The following MORC3 variants were observed in gnomAD, a reference collection of about 807,000 sequenced individuals.
The protein encoded by MORC3 is MORC family CW-type zinc finger protein 3.
A neutral mutation model predicts 109.1 loss-of-function variants in MORC3; 31 were observed. That is an observed-to-expected ratio of 0.28 (90% CI 0.21 to 0.38). MORC3 has a LOEUF of 0.38. MORC3 is among the 10% of genes least tolerant of loss of function. MORC3 has a pLI of 1.00. For missense variants in MORC3, 867 were observed against 1,135.8 expected (o/e 0.76, Z 3.40); for synonymous variants, 395 against 380.7 (o/e 1.04, Z -0.44).
chr21:36,327,986 C>T (rs1360567854), intron 1 of MORC3, among the ~76,000 whole-genome samples: 1 of 151,942 alleles, frequency 6.6e-6, no homozygotes, highest in Admixed American at 6.6e-5. Flanking sequence ...AAGTGATTGC[C>T]ATGCCTCAGC....
At chr21:36,371,367 A>G (rs546754745) in intron 15 of MORC3, among the ~76,000 whole-genome samples, 32 of 152,318 alleles carry the variant, frequency 2.1e-4, no homozygotes, top group Middle Eastern at 3.4e-3. Context: ...AAAACCCATC[A>G]TAGGTTGGAA....
intron 2 of MORC3, 60 bp downstream of exon 2, chr21:36,333,778 TGTTTTGTTTTG>T (rs2085341826): frequency 1.7e-5 from 22 of 1,300,820 alleles, no homozygotes; most frequent in Admixed American, 2.2e-5. Flanking sequence ...TTTTTTTTTT[TGTTTTGTTTTG>T]TTTTTTTTTT....
chr21:36,329,478 T>C (rs1467649639), intron 1 of MORC3, among the ~76,000 whole-genome samples: 1 of 152,154 alleles, frequency 6.6e-6, no homozygotes, highest in Non-Finnish European at 1.5e-5. Context: ...ATCATGTGAA[T>C]GCCCAATTTA....
chr21:36,337,693 A>G, intron 3 of MORC3, 39 bp from the exon 4 acceptor site: 1 of 1,238,300 alleles, frequency 8.1e-7, no homozygotes, highest in African/African-American at 1.5e-5. Flanking sequence ...ATTTTTGATT[A>G]TAGGTATTTA....
intron 5 of MORC3, 200 bp downstream of exon 5, chr21:36,339,121 A>G: frequency 1.8e-6 from 1 of 568,504 alleles, no homozygotes. Context: ...CATCTTGTTA[A>G]AAAAAATTTT....
intron 4 of MORC3, 138 bp from the exon 5 acceptor site, chr21:36,338,636 G>A (rs1286096936): frequency 2.4e-6 from 2 of 819,302 alleles, no homozygotes; most frequent in African/African-American, 3.5e-5. Flanking sequence ...GCAATAGTGA[G>A]ACCCTATCTC....
chr21:36,370,493 T>C (rs1292784798), intron 15 of MORC3, among the ~76,000 whole-genome samples: 1 of 151,558 alleles, frequency 6.6e-6, no homozygotes, highest in Non-Finnish European at 1.5e-5. Context: ...CAATTCTGCT[T>C]TTAAGTATAG....
At chr21:36,325,402 G>T (rs984276893) in intron 1 of MORC3, among the ~76,000 whole-genome samples, 2 of 152,044 alleles carry the variant, frequency 1.3e-5, no homozygotes, top group African/African-American at 4.8e-5. Flanking sequence ...GAAGAAAGGC[G>T]TATCACATTG....
intron 9 of MORC3, among the ~76,000 whole-genome samples, chr21:36,352,115 A>T (rs2085579490): frequency 6.6e-6 from 1 of 152,256 alleles, no homozygotes; most frequent in Non-Finnish European, 1.5e-5. Context: ...TTAATGTAAG[A>T]AATGAGTATA....
intron 1 of MORC3, among the ~76,000 whole-genome samples, chr21:36,329,467 A>G (rs917194997): frequency 1.3e-5 from 2 of 152,038 alleles, no homozygotes; most frequent in African/African-American, 4.8e-5. Context: ...ACATGAGGGG[A>G]ATCATGTGAA....
intron 10 of MORC3, among the ~76,000 whole-genome samples, chr21:36,357,553 A>AT (rs547386131): frequency 2.0e-3 from 296 of 150,814 alleles, no homozygotes; most frequent in African/African-American, 6.9e-3. Flanking sequence ...CCCAGCTTGT[A>AT]TTTTTTTAAT....
At chr21:36,345,115 A>C (rs1328547488) in intron 8 of MORC3, 84 bp downstream of exon 8, 1 of 1,335,612 alleles carries the variant, frequency 7.5e-7, no homozygotes. Context: ...CAAATGTTAA[A>C]TAATTTTATT....
intron 16 of MORC3, 70 bp downstream of exon 16, chr21:36,372,601 G>T: frequency 7.0e-7 from 1 of 1,419,828 alleles, no homozygotes. Flanking sequence ...TTATCTGCTA[G>T]CACCCATCAA....
At chr21:36,324,090 G>A (rs574264963) in intron 1 of MORC3, among the ~76,000 whole-genome samples, 69 of 152,088 alleles carry the variant, frequency 4.5e-4, no homozygotes, top group African/African-American at 1.5e-3. Context: ...GGTCAGGCTG[G>A]TCTTGAACTT....
intron 9 of MORC3, among the ~76,000 whole-genome samples, chr21:36,351,288 G>T (rs931555547): frequency 6.6e-6 from 1 of 151,954 alleles, no homozygotes; most frequent in African/African-American, 2.4e-5. Flanking sequence ...GGATGGTCTT[G>T]ATCTGTTGAC....
At chr21:36,333,471 G>T in intron 1 of MORC3, 175 bp from the exon 2 acceptor site, 1 of 601,300 alleles carries the variant, frequency 1.7e-6, no homozygotes, top group Non-Finnish European at 2.9e-6. Context: ...GGTTCCCAGT[G>T]TTATCTTCCA....
At chr21:36,374,682 C>T (rs1268492242) in intron 16 of MORC3, among the ~76,000 whole-genome samples, 1 of 152,120 alleles carries the variant, frequency 6.6e-6, no homozygotes, top group Non-Finnish European at 1.5e-5. Context: ...GTGCTTCCAG[C>T]TACTCAGGAG....
chr21:36,320,402 C>CGCG, intron 1 of MORC3, 99 bp downstream of exon 1: 1 of 1,158,592 alleles, frequency 8.6e-7, no homozygotes, highest in Non-Finnish European at 1.1e-6. Flanking sequence ...GTGGGGCCGA[C>CGCG]GCGGCGGCGG....
At position 36,324,234 on chromosome 21, in the gene MORC3, C is replaced by G. The variant is rs186985633; in HGVS notation, c.39+3931C>G. On this transcript the variant is annotated intron_variant, in intron 1 of 16. Transcript: ENST00000400485. The stretch of plus-strand genomic sequence containing the variant: ...CTTTTGAATGTCTTTTTGAATTCTC[C>G]CTGGACAAAATGTTCATTCTTATTG... Among the ~76,000 whole-genome samples, 698 of 151,674 alleles carry G rather than the reference C, an allele frequency of 4.6e-3. 6 individuals carry two copies. The highest frequency in any genetic ancestry group is 0.016 in the African/African-American group (661 of 41,406).
Sources: allele counts gnomAD v4.1 joint callset (sites outside exome capture counted in the v4.1 genomes callset), GRCh38; gene constraint gnomAD v4.1.1; transcripts MANE v1.5; gene names NCBI Gene and HGNC (gene_info 2026-07-23, HGNC 2026-07-21).